C21orf58: variants seen among roughly 807,000 people sequenced by gnomAD.
C21orf58 encodes the protein uncharacterized protein C21orf58.
In C21orf58, 34 loss-of-function variants were observed where a neutral mutation model predicts 35.8. That is an observed-to-expected ratio of 0.95 (90% CI 0.72 to 1.26). The LOEUF (loss-of-function observed/expected upper bound fraction) is 1.26, where lower values mean the gene tolerates loss of function less well. Ranked by LOEUF, C21orf58 falls within the 50% of genes most tolerant of loss-of-function variation. The probability of loss-of-function intolerance (pLI) is 0.00; values close to 1 mark genes in which losing one functional copy is unlikely to be tolerated. For synonymous variants in C21orf58, 191 were observed against 175.8 expected (o/e 1.09, Z -0.68); for missense variants, 440 against 414.3 (o/e 1.06, Z -0.54).
downstream of C21orf58, chr21:46,300,617 G>A (rs1445846770): frequency 8.3e-7 from 1 of 1,202,534 alleles, no homozygotes; most frequent in Non-Finnish European, 1.1e-6. Flanking sequence ...GCTGCGCTGG[G>A]CCCTTCGGTG....
intron 6 of C21orf58, among the ~76,000 whole-genome samples, chr21:46,304,903 A>G (rs1198074946): frequency 6.6e-6 from 1 of 152,250 alleles, no homozygotes; most frequent in Non-Finnish European, 1.5e-5. Flanking sequence ...ACCTGCTGCA[A>G]TGTGGGTGAT....
At chr21:46,310,630 G>A (rs532086977) in intron 6 of C21orf58, among the ~76,000 whole-genome samples, 11 of 151,614 alleles carry the variant, frequency 7.3e-5, no homozygotes, top group South Asian at 2.1e-4. Context: ...CCAAAATGGC[G>A]AAAACCCACC....
intron 5 of C21orf58, among the ~76,000 whole-genome samples, chr21:46,312,521 G>A (rs1236685597): frequency 1.3e-5 from 2 of 151,920 alleles, no homozygotes; most frequent in African/African-American, 4.8e-5. Flanking sequence ...GTTTCACCAC[G>A]TTGGCCAGGC....
chr21:46,317,276 G>A lies in C21orf58; in HGVS notation c.310-8C>T. On this transcript the variant is annotated splice_polypyrimidine_tract_variant and splice_region_variant and intron_variant, in intron 2 of 7. Coordinates refer to ENST00000291691, the MANE Select transcript of C21orf58 (RefSeq NM_058180.5). The stretch of plus-strand genomic sequence containing the variant: ...CCGTTCTTGCTCCAGCTTCTGTGAG[G>A]AAGAGAGACCGTGACAGAGACGGTG... 6.2e-7 allele frequency: 1 copy of A among 1,610,696 alleles called. No individual in the cohort carries two copies. The highest frequency in any genetic ancestry group is 1.7e-4 in the Middle Eastern group (1 of 6,058).
At chr21:46,319,059 T>C (rs980274039) in intron 1 of C21orf58, 2 of 153,086 alleles carry the variant, frequency 1.3e-5, no homozygotes, top group African/African-American at 4.8e-5. Context: ...CTCAGTTCTG[T>C]AAATGGCCCA....
At chr21:46,315,134 C>A in intron 4 of C21orf58, 1 of 1,012,196 alleles carries the variant, frequency 9.9e-7, no homozygotes, top group Non-Finnish European at 1.4e-6. Flanking sequence ...CAAGCCAGTT[C>A]CAGGCCTACT....
intron 4 of C21orf58, 22 bp downstream of exon 4, chr21:46,315,452 G>C (rs370242656): frequency 6.7e-6 from 10 of 1,493,420 alleles, no homozygotes; most frequent in African/African-American, 1.4e-5. Flanking sequence ...AGCCAGGTTC[G>C]CTCAGAGGGT....
chr21:46,311,530 G>T lies in C21orf58; in HGVS notation c.647C>A (p.Pro216His), dbSNP rs1262507088. ...QPPATIIQQL[P>H]QQPLIAQIPP... ...AATCTGTGCTATGAGTGGCTGCTGA[G>T]GGAGCTGCTGAATGATGGTGGCAGG... The change falls in exon 6 of 8, where the codon CCT becomes CAT. Residue 216 changes from proline (P) to histidine (H), a missense_variant. Physicochemically the swap from Pro to His is moderately conservative, Grantham distance 77. Transcript: ENST00000291691. 1 of 1,612,142 alleles carries T rather than the reference G, an allele frequency of 6.2e-7. No homozygotes were observed. Among genetic ancestry groups the T allele is most frequent in the Admixed American group, 1.7e-5 (1 of 59,784 alleles).
Position 46,301,517 on chromosome 21 carries a change from T to A in C21orf58, c.*482A>T. On this transcript the variant is annotated 3_prime_UTR_variant, in exon 8 of 8. Coordinates refer to ENST00000291691, the MANE Select transcript of C21orf58 (RefSeq NM_058180.5). ...AGTTATTAAATTAGACTTTGTGGTA[T>A]TTTCCCCATCAGGATGTTCACACTT... 1 of 985,314 alleles carries A rather than the reference T, an allele frequency of 1.0e-6. No homozygotes were observed. The highest frequency in any genetic ancestry group is 1.2e-6 in the Non-Finnish European group (1 of 829,688). The allele number at this position is 985,314 out of a possible 1,614,324, so 61.0% of individuals were successfully genotyped here.
intron 3 of C21orf58, among the ~76,000 whole-genome samples, chr21:46,316,387 C>T (rs1392917884): frequency 1.3e-5 from 2 of 151,970 alleles, no homozygotes; most frequent in African/African-American, 2.4e-5. Context: ...ACCTCAGAGG[C>T]GGAGGTTGCA....
At position 46,323,659 on chromosome 21, in the gene C21orf58, C is replaced by G. The variant is rs1180910957; in HGVS notation, c.-921G>C. 5.9e-6 allele frequency: 1 copy of G among 169,892 alleles called. No individual in the cohort carries two copies. Among genetic ancestry groups the G allele is most frequent in the African/African-American group, 2.4e-5 (1 of 41,506 alleles). The allele number at this position is 169,892 out of a possible 1,614,324, so 10.5% of individuals were successfully genotyped here. On this transcript the variant is annotated 5_prime_UTR_variant, in exon 1 of 8. Coordinates refer to ENST00000291691, the MANE Select transcript of C21orf58 (RefSeq NM_058180.5). ...GCCCTTGCGGATCCCCTGAGATCCA[C>G]CTCAGCAGCCTCCTCCGTGGTAGGC...
In C21orf58 at chr21:46,318,056, C is replaced by T; in HGVS notation, c.265G>A (p.Ala89Thr). 1 of 1,613,508 alleles carries T rather than the reference C, an allele frequency of 6.2e-7. No individual in the cohort carries two copies. Among genetic ancestry groups the T allele is most frequent in the Non-Finnish European group, 8.5e-7 (1 of 1,180,010 alleles). ...GTCAGTCGGGTCACTTGCTCTGCTG[C>T]TGATGAGTCCAGCATGGTGGGAGCT... ...PAAPTMLDSS[A>T]AEQVTRLTLK... Residue 89 changes from alanine (A) to threonine (T), a missense_variant, in exon 2 of 8, where the codon GCA becomes ACA. Coordinates refer to ENST00000291691, the MANE Select transcript of C21orf58 (RefSeq NM_058180.5).
At chr21:46,306,061 C>A in intron 6 of C21orf58, among the ~76,000 whole-genome samples, 2 of 125,718 alleles carry the variant, frequency 1.6e-5, no homozygotes. Flanking sequence ...TATAGCAACA[C>A]TGTGACTCAA....
chr21:46,315,426 C>T, intron 4 of C21orf58, 48 bp downstream of exon 4: 1 of 1,183,112 alleles, frequency 8.5e-7, no homozygotes, highest in Non-Finnish European at 1.3e-6. Flanking sequence ...GCAGCTATCT[C>T]TGCTACAGTG....
In C21orf58 at chr21:46,301,711, GC is replaced by G; in HGVS notation, c.*287del. ...TGAGGCTCCCAGGTGGGCCGGCGCC[GC>G]CCTACAGGAAAGGAGGGGTCCCTGG... On this transcript the variant is annotated 3_prime_UTR_variant, in exon 8 of 8. Transcript: ENST00000291691. 5 of 1,181,848 alleles carry G rather than the reference GC, an allele frequency of 4.2e-6. No individual in the cohort carries two copies. The highest frequency in any genetic ancestry group is 4.2e-6 in the Non-Finnish European group (4 of 956,082). 73.2% of individuals were successfully genotyped at this position (1,181,848 alleles called of 1,614,324 possible).
At chr21:46,318,449 CAGA>C in intron 1 of C21orf58, 1 of 1,414,028 alleles carries the variant, frequency 7.1e-7, no homozygotes, top group Non-Finnish European at 9.2e-7. Context: ...GCAGCTGAGG[CAGA>C]GGGGCAGAAC....
At chr21:46,304,302 T>C (rs1447278169) in intron 6 of C21orf58, among the ~76,000 whole-genome samples, 1 of 151,902 alleles carries the variant, frequency 6.6e-6, no homozygotes, top group Non-Finnish European at 1.5e-5. Context: ...AGTGATGGGA[T>C]TACAGGCGTG....
intron 6 of C21orf58, among the ~76,000 whole-genome samples, chr21:46,309,385 C>A (rs2082567187): frequency 6.6e-6 from 1 of 150,510 alleles, no homozygotes; most frequent in African/African-American, 2.4e-5. Context: ...TCGCTTGAAC[C>A]CGGTGGGCAG....
chr21:46,301,974 C>T lies in C21orf58; in HGVS notation c.*25G>A, dbSNP rs540148246. ...GGAAGCCTGGGGGTGGAGGGTGCCC[C>T]GGCCAGGGTCTCTGTGACTCACACT... On this transcript the variant is annotated 3_prime_UTR_variant, in exon 8 of 8. Coordinates refer to ENST00000291691, the MANE Select transcript of C21orf58 (RefSeq NM_058180.5). 2.3e-4 allele frequency: 342 copies of T among 1,493,460 alleles called. No individual in the cohort carries two copies. Among genetic ancestry groups the T allele is most frequent in the African/African-American group, 7.3e-4 (52 of 70,930 alleles). The allele number at this position is 1,493,460 out of a possible 1,614,324, so 92.5% of individuals were successfully genotyped here. A position where few individuals can be genotyped will look rare whatever the true frequency, so the allele number is the denominator to read the frequency against.
Sources: allele counts gnomAD v4.1 joint callset (sites outside exome capture counted in the v4.1 genomes callset), GRCh38; gene constraint gnomAD v4.1.1; transcripts MANE v1.5; gene names NCBI Gene and HGNC (gene_info 2026-07-23, HGNC 2026-07-21).